Variants in IFI44L observed in about 807,000 individuals in gnomAD.
IFI44L encodes the protein interferon-induced protein 44-like.
In IFI44L, 40 loss-of-function variants were observed where a neutral mutation model predicts 39.3. The observed-to-expected ratio is 1.02, with a 90% CI of 0.79 to 1.33. The LOEUF (loss-of-function observed/expected upper bound fraction) is 1.33. Ranked by LOEUF, IFI44L falls within the 40% of genes most tolerant of loss-of-function variation. The probability of loss-of-function intolerance (pLI) is 0.00; values close to 1 mark genes in which losing one functional copy is unlikely to be tolerated. For missense variants in IFI44L, 623 were observed against 549.0 expected (o/e 1.13, Z -1.35); for synonymous variants, 198 against 182.3 (o/e 1.09, Z -0.69).
rs1652661587 is a variant in IFI44L, at chr1:78,629,570, A to G, written c.528-150A>G. On this transcript the variant is annotated intron_variant, in intron 3 of 8. Coordinates refer to ENST00000370751, the MANE Select transcript of IFI44L (RefSeq NM_006820.4). ...AACTTTAGATATTTCAAATCATATTATAGAAGATCTCATTATCAAAATAAT... is the reference window on the plus strand; with the variant it reads ...AACTTTAGATATTTCAAATCATATTGTAGAAGATCTCATTATCAAAATAAT... The G allele has an allele frequency of 1.7e-5, 9 of 514,520 alleles. No homozygotes were observed. The East Asian group carries it at 2.5e-4, about 14-fold the overall frequency. 31.9% of individuals were successfully genotyped at this position (514,520 alleles called of 1,614,324 possible). A position where few individuals can be genotyped will look rare whatever the true frequency, so the allele number is the denominator to read the frequency against.
chr1:78,628,576 G>A (rs1652594643), intron 2 of IFI44L, 183 bp downstream of exon 2: 5 of 567,132 alleles, frequency 8.8e-6, no homozygotes, highest in Admixed American at 3.5e-5. Flanking sequence ...TATCCAGAAC[G>A]TATAGGCTGC....
At chr1:78,626,102 T>A (rs1405845980) in intron 1 of IFI44L, 4 of 152,064 alleles carry the variant, frequency 2.6e-5, no homozygotes, top group African/African-American at 4.8e-5. Flanking sequence ...TTTTACTGTA[T>A]CCTTTAATCC....
Position 78,637,176 on chromosome 1 carries a change from C to G in IFI44L, c.1021C>G (p.Gln341Glu), listed in dbSNP as rs1216283356. The G allele has an allele frequency of 6.2e-7, 1 of 1,607,690 alleles. No individual in the cohort carries two copies. The highest frequency in any genetic ancestry group is 1.7e-5 in the Admixed American group (1 of 58,638). ...LYSKMLAKVKQVHKEVLNCGI... is the reference protein window; with the variant it reads ...LYSKMLAKVKEVHKEVLNCGI... ...CTCTAAAATGTTGGCAAAAGTGAAG[C>G]AAGTTCACAAAGAAGTATTAAACTG... Residue 341 changes from glutamine to glutamate, a missense_variant, in exon 6 of 9, where the codon CAA (glutamine) becomes GAA (glutamate). By Grantham distance (29) the Gln-to-Glu change is conservative. Transcript: ENST00000370751.
intron 5 of IFI44L, chr1:78,636,719 G>A: frequency 4.0e-6 from 1 of 252,524 alleles, no homozygotes; most frequent in Non-Finnish European, 7.5e-6. Flanking sequence ...AACGTTAATG[G>A]TGTTTATTTC....
At chr1:78,629,358 A>G (rs1652653330) in intron 3 of IFI44L, among the ~76,000 whole-genome samples, 1 of 152,266 alleles carries the variant, frequency 6.6e-6, no homozygotes, top group Non-Finnish European at 1.5e-5. Flanking sequence ...TACATTGCAT[A>G]TATTTTATTT....
rs768684222 is a variant in IFI44L, at chr1:78,627,962, G to T, written c.47G>T (p.Arg16Leu). 1.9e-6 allele frequency: 3 copies of T among 1,609,808 alleles called. No individual in the cohort carries two copies. Among genetic ancestry groups the T allele is most frequent in the Middle Eastern group, 1.7e-4 (1 of 6,036 alleles). ...RLTWNDENHL[R>L]KLLGNVSLSL... The stretch of plus-strand genomic sequence containing the variant: ...ACATGGAATGATGAAAATCATCTGC[G>T]CAAGCTGCTTGGAAATGTTTCTTTG... The change falls in exon 2 of 9, where the codon CGC (arginine) becomes CTC (leucine). Residue 16 changes from arginine to leucine, a missense_variant. By Grantham distance (102) the Arg-to-Leu change is moderately radical. Coordinates refer to ENST00000370751, the MANE Select transcript of IFI44L (RefSeq NM_006820.4).
chr1:78,635,335 A>G lies in IFI44L; in HGVS notation c.724-2A>G. On this transcript the variant is annotated splice_acceptor_variant, in intron 4 of 8. Transcript: ENST00000370751. LOFTEE classifies it high-confidence loss of function. The stretch of plus-strand genomic sequence containing the variant: ...TTTACACTTAATGTATTTTTTTAAC[A>G]GTATAGGATATATTCTGTTAAAGAT... 5 of 1,579,318 alleles carry G rather than the reference A, an allele frequency of 3.2e-6. No homozygotes were observed. The highest frequency in any genetic ancestry group is 1.1e-5 in the South Asian group (1 of 88,440).
At chr1:78,631,761 G>A (rs1414771136) in intron 4 of IFI44L, 2 of 152,012 alleles carry the variant, frequency 1.3e-5, no homozygotes, top group African/African-American at 4.8e-5. Flanking sequence ...GTATCTCTGT[G>A]TTCAAAACTA....
rs1647024334 is a variant in IFI44L, at chr1:78,644,346, A to C, written c.*2537A>C. The C allele has an allele frequency of 6.6e-6, 1 of 152,216 alleles. No homozygotes were observed. Among genetic ancestry groups the C allele is most frequent in the Non-Finnish European group, 1.5e-5 (1 of 68,034 alleles). 9.4% of individuals were successfully genotyped at this position (152,216 alleles called of 1,614,324 possible). On this transcript the variant is annotated 3_prime_UTR_variant, in exon 9 of 9. Transcript: ENST00000370751. The stretch of plus-strand genomic sequence containing the variant: ...CAATGAGGAACATTTCATTTGACCC[A>C]ACATCCTTTAGGAGCATAAATGTTG...
intron 6 of IFI44L, among the ~76,000 whole-genome samples, chr1:78,638,534 G>C (rs1653035825): frequency 6.6e-6 from 1 of 151,878 alleles, no homozygotes; most frequent in African/African-American, 2.4e-5. Flanking sequence ...TTCAGAGTGG[G>C]TAATTTCTAT....
Position 78,645,762 on chromosome 1 carries a change from A to G in IFI44L, c.*3953A>G, listed in dbSNP as rs1407351919. ...TAAATAGATCTGATTTTTGCCATCA[A>G]TGTAAGGAGGATAAAAACTTGCATA... On this transcript the variant is annotated 3_prime_UTR_variant, in exon 9 of 9. Coordinates refer to ENST00000370751, the MANE Select transcript of IFI44L (RefSeq NM_006820.4). The G allele has an allele frequency of 6.6e-6, 1 of 152,198 alleles. No individual in the cohort carries two copies. Among genetic ancestry groups the G allele is most frequent in the African/African-American group, 2.4e-5 (1 of 41,452 alleles). The allele number at this position is 152,198 out of a possible 1,614,324, so 9.4% of individuals were successfully genotyped here.
intron 4 of IFI44L, chr1:78,631,359 C>T (rs1386338380): frequency 6.6e-6 from 1 of 152,042 alleles, no homozygotes; most frequent in African/African-American, 2.4e-5. Context: ...ACTGGTAAGT[C>T]CTATTCTCCT....
chr1:78,630,458 T>A (rs1221214579), intron 4 of IFI44L, among the ~76,000 whole-genome samples: 1 of 152,168 alleles, frequency 6.6e-6, no homozygotes, highest in Non-Finnish European at 1.5e-5. Flanking sequence ...AATATAGATT[T>A]CTTAATTGTT....
chr1:78,639,996 C>A (rs977086299), intron 6 of IFI44L, among the ~76,000 whole-genome samples: 1 of 152,046 alleles, frequency 6.6e-6, no homozygotes, highest in Admixed American at 6.6e-5. Context: ...ATAAGTTTTG[C>A]ATCTGAACTT....
At chr1:78,623,909 C>T (rs571628483) in intron 1 of IFI44L, among the ~76,000 whole-genome samples, 2 of 152,300 alleles carry the variant, frequency 1.3e-5, no homozygotes, top group African/African-American at 4.8e-5. Context: ...GATGTCAGCT[C>T]ATGTTGGATC....
At position 78,645,213 on chromosome 1, in the gene IFI44L, G is replaced by A. The variant is rs1452322254; in HGVS notation, c.*3404G>A. On this transcript the variant is annotated 3_prime_UTR_variant, in exon 9 of 9. Transcript: ENST00000370751. ...ATGTAAATTCGTGGTAAATAACTTA[G>A]GAACTGCCTCTTCTTTTTCTTTGAA... The A allele has an allele frequency of 6.6e-6, 1 of 152,150 alleles. No homozygotes were observed. Among genetic ancestry groups the A allele is most frequent in the Non-Finnish European group, 1.5e-5 (1 of 68,030 alleles). 9.4% of individuals were successfully genotyped at this position (152,150 alleles called of 1,614,324 possible). A position where few individuals can be genotyped will look rare whatever the true frequency, so the allele number is the denominator to read the frequency against.
chr1:78,628,480 A>C (rs974444622), intron 2 of IFI44L, 87 bp downstream of exon 2: 3 of 782,332 alleles, frequency 3.8e-6, no homozygotes, highest in Non-Finnish European at 6.3e-6. Context: ...AAGAGCAAGG[A>C]AAGTGAAAGG....
chr1:78,632,834 C>T (rs1289280110), intron 4 of IFI44L, among the ~76,000 whole-genome samples: 2 of 152,000 alleles, frequency 1.3e-5, no homozygotes, highest in African/African-American at 4.8e-5. Context: ...ACTAATAAAC[C>T]AATGATTTCT....
rs752290909 is a variant in IFI44L at position 78,629,756 on chromosome 1, T to C, written c.564T>C (p.Tyr188=). 6.2e-6 allele frequency: 10 copies of C among 1,613,552 alleles called. No homozygotes were observed. Among genetic ancestry groups the C allele is most frequent in the Middle Eastern group, 1.6e-4 (1 of 6,080 alleles). The change falls in exon 4 of 9, where the codon TAT becomes TAC. Residue 188 remains tyrosine (Y), a synonymous_variant. Transcript: ENST00000370751. ...GGCTTCTAGCAGACATCAGAGACTA[T>C]AGGCCCTATGCAGACTTGGTTTCAG... The part of the protein sequence containing the change: ...RNRLLADIRD[Y]RPYADLVSEI...
Sources: gnomAD v4.1 joint callset for allele counts (sites outside exome capture counted in the v4.1 genomes callset) on GRCh38, gnomAD v4.1.1 for gene constraint, MANE v1.5 for transcripts, NCBI Gene and HGNC (gene_info 2026-07-23, HGNC 2026-07-21) for gene names.